The following COA1 variants were observed in gnomAD, a reference collection of about 807,000 sequenced individuals.
COA1 encodes cytochrome c oxidase assembly factor 1 homolog.
Under a neutral mutation model 16.0 loss-of-function variants are expected in COA1, and 13 were observed. That is an observed-to-expected ratio of 0.81 (90% CI 0.53 to 1.29). The LOEUF is 1.29. Among genes scored for constraint, COA1 ranks in the 50% most tolerant of loss-of-function variants. The pLI is 0.00. For missense variants in COA1, 179 were observed against 177.0 expected (o/e 1.01, Z -0.06); for synonymous variants, 65 against 65.7 (o/e 0.99, Z 0.05).
intron 6 of COA1, among the ~76,000 whole-genome samples, chr7:43,610,991 C>T (rs1414999806): frequency 2.6e-5 from 4 of 152,060 alleles, no homozygotes; most frequent in Non-Finnish European, 5.9e-5. Context: ...GTGGCAGGCA[C>T]CTGTAATCCC....
chr7:43,632,204 G>T (rs2085245547), intron 6 of COA1: 3 of 167,458 alleles, frequency 1.8e-5, no homozygotes, highest in African/African-American at 4.8e-5. Flanking sequence ...ACCAGGAGTA[G>T]ATTCCATTTC....
chr7:43,708,749 T>C (rs937726185), intron 1 of COA1, among the ~76,000 whole-genome samples: 2 of 152,144 alleles, frequency 1.3e-5, no homozygotes, highest in African/African-American at 2.4e-5. Flanking sequence ...TTCTCTCTTA[T>C]CTTTTATTAC....
intron 6 of COA1, chr7:43,624,378 A>T: frequency 8.8e-6 from 7 of 796,778 alleles, no homozygotes; most frequent in Non-Finnish European, 1.3e-5. Flanking sequence ...CAAGACTAAT[A>T]GTTTTATTCA....
intron 6 of COA1, chr7:43,619,580 G>A (rs2083667429): frequency 6.2e-7 from 1 of 1,609,032 alleles, no homozygotes; most frequent in African/African-American, 1.3e-5. Context: ...TTTTTGCGGG[G>A]GTGTATTTTC....
chr7:43,642,639 A>G (rs186539439), intron 4 of COA1, among the ~76,000 whole-genome samples: 1 of 152,240 alleles, frequency 6.6e-6, no homozygotes, highest in Non-Finnish European at 1.5e-5. Context: ...AGAAGAGCAA[A>G]CTCTGAGGGG....
At chr7:43,691,332 AAAGAGAGAGAGG>A in intron 1 of COA1, among the ~76,000 whole-genome samples, 11 of 85,936 alleles carry the variant, frequency 1.3e-4, no homozygotes, top group Non-Finnish European at 2.1e-4. Context: ...AAAGAAAGAG[AAAGAGAGAGAGG>A]GAGGGAGGGA....
chr7:43,656,919 T>C (rs985503155), intron 1 of COA1, among the ~76,000 whole-genome samples: 2 of 151,250 alleles, frequency 1.3e-5, no homozygotes, highest in Middle Eastern at 3.4e-3. Context: ...TCAAGGCCGG[T>C]TGCGGTGGCT....
chr7:43,657,119 A>G (rs965828461), intron 1 of COA1: 1 of 152,258 alleles, frequency 6.6e-6, no homozygotes, highest in African/African-American at 2.4e-5. Context: ...CTTGCAAAGT[A>G]CAACATGTGT....
intron 1 of COA1, 82 bp from the exon 2 acceptor site, chr7:43,648,734 C>T: frequency 1.0e-6 from 1 of 955,498 alleles, no homozygotes; most frequent in South Asian, 1.6e-5. Context: ...AGATTTATTA[C>T]CAACCCAAGC....
intron 6 of COA1, among the ~76,000 whole-genome samples, chr7:43,630,379 GA>G (rs1314244039): frequency 6.6e-6 from 1 of 152,064 alleles, no homozygotes; most frequent in Non-Finnish European, 1.5e-5. Context: ...GTTAGCAGCA[GA>G]AAAGTATCTC....
chr7:43,648,677 T>C, intron 1 of COA1, 25 bp from the exon 2 acceptor site: 1 of 1,566,666 alleles, frequency 6.4e-7, no homozygotes, highest in Non-Finnish European at 8.8e-7. Flanking sequence ...GATTTTACAT[T>C]AAAATCATAT....
At chr7:43,644,705 A>ATATAT (rs1563226598) in intron 4 of COA1, among the ~76,000 whole-genome samples, 1 of 65,554 alleles carries the variant, frequency 1.5e-5, no homozygotes, top group Non-Finnish European at 3.6e-5. Context: ...TTATAGATAG[A>ATATAT]TAGATTAGAT....
intron 6 of COA1, among the ~76,000 whole-genome samples, chr7:43,618,530 A>C (rs563919622): frequency 1.2e-4 from 18 of 152,158 alleles, no homozygotes; most frequent in Non-Finnish European, 1.9e-4. Flanking sequence ...TTTGTAATTT[A>C]CCAGTGTTTC....
intron 1 of COA1, among the ~76,000 whole-genome samples, chr7:43,683,042 G>A (rs188696315): frequency 6.6e-6 from 1 of 152,186 alleles, no homozygotes; most frequent in Non-Finnish European, 1.5e-5. Flanking sequence ...GTTTTTAGTA[G>A]AGATGGGGTT....
At chr7:43,688,165 T>A (rs1258589534) in intron 1 of COA1, among the ~76,000 whole-genome samples, 1 of 152,202 alleles carries the variant, frequency 6.6e-6, no homozygotes, top group African/African-American at 2.4e-5. Context: ...TTTGGGTATG[T>A]CTTTATCAGC....
chr7:43,613,254 CA>C (rs985866384), intron 6 of COA1, among the ~76,000 whole-genome samples: 49 of 152,194 alleles, frequency 3.2e-4, no homozygotes, highest in African/African-American at 1.0e-3. Flanking sequence ...CACAAAGTTC[CA>C]AAAAGCTAAA....
intron 1 of COA1, among the ~76,000 whole-genome samples, chr7:43,659,875 G>A (rs760908108): frequency 9.9e-5 from 15 of 152,158 alleles, no homozygotes; most frequent in Non-Finnish European, 1.6e-4. Context: ...TGGAAAAAAG[G>A]TCTTTAAAGA....
intron 6 of COA1, chr7:43,632,683 G>A (rs2085296837): frequency 6.6e-6 from 1 of 152,182 alleles, no homozygotes; most frequent in Admixed American, 6.5e-5. Flanking sequence ...TGGGTAACCA[G>A]GTGCATTGTT....
In COA1 at chr7:43,729,512, C is replaced by G. The variant is rs1431607809; in HGVS notation, c.-122G>C. ...AAAGCACGGGTAAATGCCCGCGGTC[C>G]TGCGCGCCAGCGGGGAGCAGTAGAG... On this transcript the variant is annotated 5_prime_UTR_variant, in exon 1 of 6. Coordinates refer to ENST00000223336, the MANE Select transcript of COA1 (RefSeq NM_018224.4). 6.6e-6 allele frequency: 1 copy of G among 152,334 alleles called. No individual in the cohort carries two copies. The allele number at this position is 152,334 out of a possible 1,614,324, so 9.4% of individuals were successfully genotyped here. A position where few individuals can be genotyped will look rare whatever the true frequency, so the allele number is the denominator to read the frequency against.
Sources: gnomAD v4.1 joint callset for allele counts (sites outside exome capture counted in the v4.1 genomes callset) on GRCh38, gnomAD v4.1.1 for gene constraint, MANE v1.5 for transcripts, NCBI Gene and HGNC (gene_info 2026-07-23, HGNC 2026-07-21) for gene names.